STXBP5L: variants seen among roughly 807,000 people sequenced by gnomAD.
STXBP5L encodes syntaxin-binding protein 5-like.
Under a neutral mutation model 144.5 loss-of-function variants are expected in STXBP5L, and 65 were observed. The observed-to-expected ratio is 0.45, with a 90% CI of 0.37 to 0.55. The LOEUF (loss-of-function observed/expected upper bound fraction) is 0.55, where lower values mean the gene tolerates loss of function less well. Ranked by LOEUF, STXBP5L falls within the 20% of genes least tolerant of loss-of-function variation. The pLI, the probability that STXBP5L is intolerant of heterozygous loss-of-function variation, is 0.00. For synonymous variants in STXBP5L, 505 were observed against 469.6 expected (o/e 1.08, Z -0.97); for missense variants, 1,298 against 1,405.5 (o/e 0.92, Z 1.22).
intron 9 of STXBP5L, among the ~76,000 whole-genome samples, chr3:121,186,371 T>C (rs974363264): frequency 2.0e-5 from 3 of 152,198 alleles, no homozygotes; most frequent in African/African-American, 7.2e-5. Context: ...CCCTGTCTTG[T>C]GCCCATTTTC....
At chr3:120,934,713 G>T (rs1429192750) in intron 2 of STXBP5L, among the ~76,000 whole-genome samples, 1 of 151,918 alleles carries the variant, frequency 6.6e-6, no homozygotes, top group Non-Finnish European at 1.5e-5. Flanking sequence ...TATTTCCTCT[G>T]GAAGAATTAG....
chr3:121,422,100 A>ACG lies in STXBP5L; in HGVS notation c.*3005_*3006dup, dbSNP rs2047363662. The ACG allele has an allele frequency of 6.6e-6, 1 of 152,080 alleles. No homozygotes were observed. The highest frequency in any genetic ancestry group is 1.5e-5 in the Non-Finnish European group (1 of 68,032). 9.4% of individuals were successfully genotyped at this position (152,080 alleles called of 1,614,324 possible). On this transcript the variant is annotated 3_prime_UTR_variant, in exon 27 of 27. Coordinates refer to ENST00000471454, the MANE Select transcript of STXBP5L (RefSeq NM_001308330.2). ...TTCTGTTGCACTGACCTTAGCACGC[A>ACG]CGCACACACACACACACCATCGCCA...
chr3:121,336,921 T>TA (rs2044526740), intron 20 of STXBP5L, among the ~76,000 whole-genome samples: 4 of 152,012 alleles, frequency 2.6e-5, no homozygotes, highest in East Asian at 1.9e-4. Context: ...CACACAGCCA[T>TA]AAAAAAGAAT....
intron 3 of STXBP5L, among the ~76,000 whole-genome samples, chr3:120,979,826 G>A (rs1941558672): frequency 6.6e-6 from 1 of 152,108 alleles, no homozygotes; most frequent in African/African-American, 2.4e-5. Context: ...TTGTCAGTTG[G>A]AGATCTTATT....
chr3:121,107,099 T>C (rs1018475216), intron 5 of STXBP5L, among the ~76,000 whole-genome samples: 1 of 152,172 alleles, frequency 6.6e-6, no homozygotes, highest in South Asian at 2.1e-4. Flanking sequence ...TTGTTTTTTT[T>C]TTCTTGTAAA....
At position 121,335,519 on chromosome 3, in the gene STXBP5L, C is replaced by T. The variant is rs184837175; in HGVS notation, c.2176+16979C>T. Among the ~76,000 whole-genome samples, 47 of 152,194 alleles carry T rather than the reference C, an allele frequency of 3.1e-4. 2 individuals are homozygous for T. In the East Asian group the frequency reaches 8.3e-3, roughly 27 times the overall value. On this transcript the variant is annotated intron_variant, in intron 20 of 26. Transcript: ENST00000471454. ...CAATTTTAATCAAAAAAGAACAAAA[C>T]TGGAAGCATCATGTTACCCAACTTC... is the stretch of plus-strand genomic sequence containing the variant.
At chr3:121,170,397 T>A (rs1188088269) in intron 9 of STXBP5L, among the ~76,000 whole-genome samples, 1 of 151,966 alleles carries the variant, frequency 6.6e-6, no homozygotes, top group Non-Finnish European at 1.5e-5. Flanking sequence ...AAAAAATCAA[T>A]GAATCTAGGA....
At chr3:121,114,530 T>G (rs2044147802) in intron 5 of STXBP5L, among the ~76,000 whole-genome samples, 1 of 152,150 alleles carries the variant, frequency 6.6e-6, no homozygotes, top group South Asian at 2.1e-4. Flanking sequence ...AAAATGTAGC[T>G]TAGTGAAAGA....
intron 19 of STXBP5L, among the ~76,000 whole-genome samples, chr3:121,281,616 C>A (rs764341273): frequency 2.6e-5 from 4 of 151,928 alleles, no homozygotes; most frequent in Non-Finnish European, 5.9e-5. Flanking sequence ...GCTGGATATA[C>A]ACAGTGGGGC....
intron 9 of STXBP5L, among the ~76,000 whole-genome samples, chr3:121,181,884 C>G (rs1043132799): frequency 6.6e-6 from 1 of 151,000 alleles, no homozygotes; most frequent in Non-Finnish European, 1.5e-5. Context: ...AAATGTAAAC[C>G]AAAAGCAAAC....
chr3:121,286,849 G>C (rs560655580), intron 19 of STXBP5L, among the ~76,000 whole-genome samples: 1 of 151,840 alleles, frequency 6.6e-6, no homozygotes, highest in South Asian at 2.1e-4. Flanking sequence ...AAAATGATGG[G>C]ACAGATGGGA....
Position 121,165,046 on chromosome 3 carries a change from G to A in STXBP5L, c.877+7419G>A, listed in dbSNP as rs566428551. On this transcript the variant is annotated intron_variant, in intron 9 of 26. Coordinates refer to ENST00000471454, the MANE Select transcript of STXBP5L (RefSeq NM_001308330.2). ...AGCTGTTTTTGCCACCAAAAAAATG[G>A]TTAAATATGGGAGATGATGGATATG... Among the ~76,000 whole-genome samples, 3 of 152,256 alleles carry A rather than the reference G, an allele frequency of 2.0e-5. No individual in the cohort carries two copies. The South Asian group carries it at 6.2e-4, about 32-fold the overall frequency.
At chr3:120,932,748 G>A (rs928109604) in intron 2 of STXBP5L, among the ~76,000 whole-genome samples, 3 of 151,972 alleles carry the variant, frequency 2.0e-5, no homozygotes, top group African/African-American at 4.8e-5. Flanking sequence ...ACATGCACAC[G>A]TATGTTTATT....
chr3:120,995,971 C>T (rs1943316759), intron 3 of STXBP5L, among the ~76,000 whole-genome samples: 2 of 152,036 alleles, frequency 1.3e-5, no homozygotes, highest in Non-Finnish European at 2.9e-5. Flanking sequence ...AGTTTTTCTT[C>T]ATCTGAGAAT....
chr3:121,199,240 G>A (rs2048041396), intron 9 of STXBP5L, among the ~76,000 whole-genome samples: 1 of 152,048 alleles, frequency 6.6e-6, no homozygotes, highest in South Asian at 2.1e-4. Context: ...TCTCTTTGTA[G>A]CAATTATGAA....
intron 5 of STXBP5L, among the ~76,000 whole-genome samples, chr3:121,079,154 G>A (rs537178628): frequency 2.3e-4 from 35 of 152,260 alleles, no homozygotes; most frequent in African/African-American, 7.5e-4. Flanking sequence ...GTTTATTAAG[G>A]TGCTCACCGG....
intron 5 of STXBP5L, among the ~76,000 whole-genome samples, chr3:121,092,709 A>G (rs1188992409): frequency 6.6e-6 from 1 of 152,214 alleles, no homozygotes; most frequent in Non-Finnish European, 1.5e-5. Context: ...CAATCATGTC[A>G]TCTGCAAACA....
intron 5 of STXBP5L, among the ~76,000 whole-genome samples, chr3:121,086,460 A>T (rs142344536): frequency 6.7e-6 from 1 of 148,672 alleles, no homozygotes; most frequent in East Asian, 1.9e-4. Context: ...GCCCTTTTCT[A>T]TATTTAAATA....
At chr3:121,400,924 G>A (rs1263936621) in intron 22 of STXBP5L, among the ~76,000 whole-genome samples, 1 of 151,896 alleles carries the variant, frequency 6.6e-6, no homozygotes, top group Non-Finnish European at 1.5e-5. Flanking sequence ...CCTTTACATA[G>A]AACATAAATA....
Sources: gnomAD v4.1 joint callset for allele counts (sites outside exome capture counted in the v4.1 genomes callset) on GRCh38, gnomAD v4.1.1 for gene constraint, MANE v1.5 for transcripts, NCBI Gene and HGNC (gene_info 2026-07-23, HGNC 2026-07-21) for gene names.